WWOX: variants seen among roughly 807,000 people sequenced by gnomAD.
WWOX encodes WW domain containing oxidoreductase, also known as WW domain-containing oxidoreductase.
In WWOX, 69 loss-of-function variants were observed where a neutral mutation model predicts 46.2. The ratio of observed to expected loss-of-function variants is 1.49; its 90% CI spans 1.23 to 1.82. The LOEUF (loss-of-function observed/expected upper bound fraction) is 1.82. Ranked by LOEUF, WWOX falls within the 40% of genes most tolerant of loss-of-function variation. The pLI is 0.00. For synonymous variants in WWOX, 359 were observed against 202.6 expected (o/e 1.77, Z -6.56); for missense variants, 919 against 542.6 (o/e 1.69, Z -6.89).
chr16:78,617,373 G>T (rs2046051857), intron 8 of WWOX, among the ~76,000 whole-genome samples: 1 of 148,348 alleles, frequency 6.7e-6, no homozygotes, highest in Non-Finnish European at 1.5e-5. Flanking sequence ...CTGCACCCCA[G>T]CCTGGGCCAC....
At chr16:78,162,432 ACT>A (rs1397553285) in intron 4 of WWOX, among the ~76,000 whole-genome samples, 3 of 151,722 alleles carry the variant, frequency 2.0e-5, no homozygotes, top group African/African-American at 7.3e-5. Context: ...ACAGATACAC[ACT>A]CACATATATA....
chr16:79,165,686 A>C (rs777778504), intron 8 of WWOX, among the ~76,000 whole-genome samples: 10 of 152,150 alleles, frequency 6.6e-5, no homozygotes, highest in Non-Finnish European at 1.0e-4. Context: ...ACACAAACCC[A>C]GTCCATGATT....
At chr16:78,119,617 T>C (rs1161034668) in intron 4 of WWOX, among the ~76,000 whole-genome samples, 2 of 150,616 alleles carry the variant, frequency 1.3e-5, no homozygotes, top group African/African-American at 5.0e-5. Flanking sequence ...TTGTGAGACA[T>C]CCATTAAATT....
intron 8 of WWOX, among the ~76,000 whole-genome samples, chr16:78,458,023 G>C (rs540058454): frequency 6.6e-6 from 1 of 151,202 alleles, no homozygotes; most frequent in African/African-American, 2.4e-5. Flanking sequence ...GTTGCAGTGA[G>C]CCAAGATGGT....
In WWOX at chr16:78,633,794, C is replaced by T. The variant is rs79398772; in HGVS notation, c.1056+201042C>T. Among the ~76,000 whole-genome samples, 126 of 152,308 alleles carry T rather than the reference C, an allele frequency of 8.3e-4. 2 individuals are homozygous for T. The East Asian group carries it at 0.017, about 20-fold the overall frequency. On this transcript the variant is annotated intron_variant, in intron 8 of 8. Transcript: ENST00000566780. ...TCCAGGCTGTGGTGTGCGGTGCAACCCGGGCTGTGTTCCCGAGTGCATCAA... is the reference window on the plus strand; with the variant it reads ...TCCAGGCTGTGGTGTGCGGTGCAACTCGGGCTGTGTTCCCGAGTGCATCAA...
chr16:78,950,403 G>C (rs976087586), intron 8 of WWOX, among the ~76,000 whole-genome samples: 1 of 152,050 alleles, frequency 6.6e-6, no homozygotes, highest in Non-Finnish European at 1.5e-5. Context: ...CTGAGAGGAA[G>C]GGGCTTTTTT....
At chr16:78,894,843 T>C (rs1168322123) in intron 8 of WWOX, among the ~76,000 whole-genome samples, 1 of 152,188 alleles carries the variant, frequency 6.6e-6, no homozygotes, top group Non-Finnish European at 1.5e-5. Context: ...GCGGCTATTA[T>C]GAGAAAAACA....
intron 8 of WWOX, among the ~76,000 whole-genome samples, chr16:78,882,306 T>C (rs1212082164): frequency 6.6e-6 from 1 of 152,190 alleles, no homozygotes; most frequent in Non-Finnish European, 1.5e-5. Flanking sequence ...CATCATTTCA[T>C]TGTTCCTGGA....
chr16:78,222,012 C>G (rs571993184), intron 5 of WWOX, among the ~76,000 whole-genome samples: 2 of 152,024 alleles, frequency 1.3e-5, no homozygotes, highest in African/African-American at 4.8e-5. Context: ...AAACTTCTGC[C>G]GAGAAAAGAA....
chr16:79,189,225 A>C (rs1186817378), intron 8 of WWOX, among the ~76,000 whole-genome samples: 3 of 152,052 alleles, frequency 2.0e-5, no homozygotes, highest in East Asian at 1.9e-4. Context: ...CATTTGGAAC[A>C]GGCATCTATT....
At chr16:78,567,283 C>A (rs879780508) in intron 8 of WWOX, among the ~76,000 whole-genome samples, 1 of 151,984 alleles carries the variant, frequency 6.6e-6, no homozygotes, top group Non-Finnish European at 1.5e-5. Flanking sequence ...CGGTGGCTCA[C>A]GCCTGTAATC....
At chr16:78,512,274 A>G (rs1459991912) in intron 8 of WWOX, among the ~76,000 whole-genome samples, 1 of 152,234 alleles carries the variant, frequency 6.6e-6, no homozygotes, top group South Asian at 2.1e-4. Context: ...ATTTGCATTT[A>G]TGGATCACAT....
intron 6 of WWOX, among the ~76,000 whole-genome samples, chr16:78,407,832 C>G (rs1031853609): frequency 6.6e-6 from 1 of 152,194 alleles, no homozygotes; most frequent in Non-Finnish European, 1.5e-5. Context: ...CTTACCACAT[C>G]TTGAGTCTGG....
chr16:79,200,635 C>CT (rs996009345), intron 8 of WWOX, among the ~76,000 whole-genome samples: 195 of 151,324 alleles, frequency 1.3e-3, no homozygotes, highest in African/African-American at 4.0e-3. Context: ...CCGTCGTCGT[C>CT]TTTTTTTTTG....
chr16:79,112,539 T>C (rs1433590011), intron 8 of WWOX, among the ~76,000 whole-genome samples: 1 of 151,946 alleles, frequency 6.6e-6, no homozygotes, highest in Admixed American at 6.6e-5. Flanking sequence ...TAAACCAACA[T>C]CCCCGGCAAA....
chr16:78,777,439 T>G (rs1280679348), intron 8 of WWOX, among the ~76,000 whole-genome samples: 1 of 152,198 alleles, frequency 6.6e-6, no homozygotes, highest in Non-Finnish European at 1.5e-5. Context: ...GTAGCTGATG[T>G]GTCTAGTGGC....
At chr16:78,812,990 A>G (rs918920470) in intron 8 of WWOX, among the ~76,000 whole-genome samples, 5 of 152,208 alleles carry the variant, frequency 3.3e-5, no homozygotes, top group Admixed American at 6.5e-5. Flanking sequence ...CTTTGGGGAA[A>G]CACAATTAGG....
At chr16:78,940,306 T>G (rs529458231) in intron 8 of WWOX, among the ~76,000 whole-genome samples, 2 of 152,206 alleles carry the variant, frequency 1.3e-5, no homozygotes, top group South Asian at 4.1e-4. Context: ...ATTTTTTGAT[T>G]TATGAGTCGT....
intron 5 of WWOX, among the ~76,000 whole-genome samples, chr16:78,346,036 G>T (rs1397602974): frequency 8.2e-6 from 1 of 121,412 alleles, no homozygotes; most frequent in Admixed American, 8.0e-5. Flanking sequence ...TCTGAGTCCA[G>T]ACAGCCTCAG....
Sources: allele counts gnomAD v4.1 joint callset (sites outside exome capture counted in the v4.1 genomes callset), GRCh38; gene constraint gnomAD v4.1.1; transcripts MANE v1.5; gene names NCBI Gene and HGNC (gene_info 2026-07-23, HGNC 2026-07-21).